The following MACROD2 variants were observed in gnomAD, a reference collection of about 807,000 sequenced individuals.
MACROD2 encodes the protein mono-ADP ribosylhydrolase 2.
MACROD2 carries 36 observed loss-of-function variants against 70.4 expected under a neutral mutation model. The ratio of observed to expected loss-of-function variants is 0.51; its 90% CI spans 0.39 to 0.68. MACROD2 has a LOEUF of 0.68. Among genes scored for constraint, MACROD2 ranks in the 30% least tolerant of loss-of-function variants. MACROD2 has a pLI of 0.00. For missense variants in MACROD2, 496 were observed against 538.4 expected (o/e 0.92, Z 0.78); for synonymous variants, 172 against 178.8 (o/e 0.96, Z 0.30).
chr20:16,045,929 G>A (rs75611943), intron 17 of MACROD2, among the ~76,000 whole-genome samples: 1,639 of 152,038 alleles, frequency 0.011, 34 homozygotes, highest in African/African-American at 0.038. Flanking sequence ...AGAAGAATTA[G>A]AAGAAGGAAA....
At chr20:16,036,111 C>T (rs764265458) in intron 15 of MACROD2, among the ~76,000 whole-genome samples, 7 of 151,922 alleles carry the variant, frequency 4.6e-5, no homozygotes, top group Admixed American at 6.6e-5. Flanking sequence ...GGTTTGCTTT[C>T]GGTTGATACC....
At chr20:15,316,696 C>T (rs1252507991) in intron 6 of MACROD2, among the ~76,000 whole-genome samples, 1 of 152,050 alleles carries the variant, frequency 6.6e-6, no homozygotes, top group Non-Finnish European at 1.5e-5. Flanking sequence ...ACCAACTAGA[C>T]CTGACAGAGA....
intron 16 of MACROD2, among the ~76,000 whole-genome samples, chr20:16,043,021 C>T (rs1174372680): frequency 6.6e-6 from 1 of 152,050 alleles, no homozygotes; most frequent in African/African-American, 2.4e-5. Context: ...TAAATGAAAA[C>T]TGCCCAAATG....
rs1002272022 is a variant in MACROD2 at position 15,400,828 on chromosome 20, C to T, written c.541-30577C>T. 1.3e-4 allele frequency among the ~76,000 whole-genome samples: 20 copies of T among 152,266 alleles called. No individual in the cohort carries two copies. In the East Asian group the frequency reaches 2.9e-3, roughly 22 times the overall value. ...TATTAAAACTCTCCTGGTCGGTGTC[C>T]GGGTTTTACCAGAAAGCACTGACTA... On this transcript the variant is annotated intron_variant, in intron 6 of 17. Transcript: ENST00000684519.
At chr20:14,683,901 A>G (rs1481188819) in intron 4 of MACROD2, among the ~76,000 whole-genome samples, 1 of 151,982 alleles carries the variant, frequency 6.6e-6, no homozygotes, top group Non-Finnish European at 1.5e-5. Context: ...AATAATAACT[A>G]AAGCCCCAAA....
intron 10 of MACROD2, chr20:15,893,950 G>C: frequency 2.2e-6 from 1 of 456,692 alleles, no homozygotes; most frequent in Non-Finnish European, 4.4e-6. Flanking sequence ...AGTGCAGTCT[G>C]GAAGTCTGGA....
At chr20:15,677,279 G>C (rs1190008119) in intron 8 of MACROD2, among the ~76,000 whole-genome samples, 2 of 152,012 alleles carry the variant, frequency 1.3e-5, no homozygotes, top group Non-Finnish European at 2.9e-5. Context: ...CTACTGTTCT[G>C]GGATGAAAGC....
intron 4 of MACROD2, among the ~76,000 whole-genome samples, chr20:14,645,751 A>C (rs1209895785): frequency 6.6e-6 from 1 of 152,004 alleles, no homozygotes; most frequent in Non-Finnish European, 1.5e-5. Context: ...TTCTTTCAAA[A>C]GTACGTGGTG....
chr20:14,512,679 TACTTG>T (rs2123151862), intron 4 of MACROD2, among the ~76,000 whole-genome samples: 2 of 152,190 alleles, frequency 1.3e-5, no homozygotes, highest in South Asian at 4.1e-4. Context: ...ACCTCACACG[TACTTG>T]ACCTGAGAGG....
intron 5 of MACROD2, among the ~76,000 whole-genome samples, chr20:15,111,101 T>C (rs942902795): frequency 6.6e-5 from 10 of 152,134 alleles, no homozygotes; most frequent in African/African-American, 1.9e-4. Context: ...GACTCACACA[T>C]ATAATCAATC....
intron 5 of MACROD2, among the ~76,000 whole-genome samples, chr20:15,030,546 ATT>A (rs2075266755): frequency 1.3e-5 from 2 of 152,154 alleles, no homozygotes. Flanking sequence ...GCTGCATACT[ATT>A]TTATTGGCAT....
At chr20:15,154,639 G>A (rs1162597307) in intron 5 of MACROD2, among the ~76,000 whole-genome samples, 1 of 152,174 alleles carries the variant, frequency 6.6e-6, no homozygotes, top group African/African-American at 2.4e-5. Context: ...ATCCCGTCTT[G>A]TTGCATCCTC....
chr20:14,562,205 C>CT (rs1392956816), intron 4 of MACROD2, among the ~76,000 whole-genome samples: 1 of 151,822 alleles, frequency 6.6e-6, no homozygotes, highest in African/African-American at 2.4e-5. Flanking sequence ...AACATCTGCT[C>CT]TTTTCATGAT....
At chr20:14,625,199 C>T (rs185575154) in intron 4 of MACROD2, among the ~76,000 whole-genome samples, 7 of 151,924 alleles carry the variant, frequency 4.6e-5, no homozygotes, top group East Asian at 3.9e-4. Context: ...TGGTGGCAGG[C>T]GCCTGTAATC....
chr20:15,358,055 G>A (rs946814124), intron 6 of MACROD2, among the ~76,000 whole-genome samples: 1 of 152,016 alleles, frequency 6.6e-6, no homozygotes, highest in Non-Finnish European at 1.5e-5. Flanking sequence ...TGATCCGCCC[G>A]CTTTGGCCTC....
At chr20:15,124,799 G>C (rs1041312564) in intron 5 of MACROD2, among the ~76,000 whole-genome samples, 3 of 151,700 alleles carry the variant, frequency 2.0e-5, no homozygotes, top group Non-Finnish European at 2.9e-5. Flanking sequence ...TCTTTGTATT[G>C]AAAAAGCTAG....
chr20:15,222,389 G>C (rs948126266), intron 5 of MACROD2, among the ~76,000 whole-genome samples: 2 of 152,156 alleles, frequency 1.3e-5, no homozygotes, highest in African/African-American at 4.8e-5. Context: ...CATTTACTTT[G>C]TAATGCTATC....
At chr20:14,211,864 C>T (rs554367986) in intron 3 of MACROD2, among the ~76,000 whole-genome samples, 2 of 152,262 alleles carry the variant, frequency 1.3e-5, no homozygotes, top group South Asian at 2.1e-4. Context: ...ATAGTCACTA[C>T]AGTGCTAGCT....
At chr20:15,385,058 G>T (rs575036075) in intron 6 of MACROD2, among the ~76,000 whole-genome samples, 6 of 152,296 alleles carry the variant, frequency 3.9e-5, no homozygotes, top group African/African-American at 1.4e-4. Context: ...TGTCCTGAAG[G>T]TTCTGTAATC....
Sources: gnomAD v4.1 joint callset for allele counts (sites outside exome capture counted in the v4.1 genomes callset) on GRCh38, gnomAD v4.1.1 for gene constraint, MANE v1.5 for transcripts, NCBI Gene and HGNC (gene_info 2026-07-23, HGNC 2026-07-21) for gene names.